DCC: variants seen among roughly 807,000 people sequenced by gnomAD.
The protein encoded by DCC is DCC netrin 1 receptor, also known as netrin receptor DCC.
DCC carries 58 observed loss-of-function variants against 172.5 expected under a neutral mutation model. The observed-to-expected ratio is 0.34, with a 90% confidence interval of 0.27 to 0.42. The LOEUF (loss-of-function observed/expected upper bound fraction) is 0.42, where lower values mean the gene tolerates loss of function less well. Ranked by LOEUF, DCC falls within the 10% of genes least tolerant of loss-of-function variation. The pLI, the probability that DCC is intolerant of heterozygous loss-of-function variation, is 1.00. For missense variants in DCC, 1,740 were observed against 1,791.0 expected (o/e 0.97, Z 0.51); for synonymous variants, 709 against 644.5 (o/e 1.10, Z -1.52).
intron 10 of DCC, among the ~76,000 whole-genome samples, chr18:53,206,116 T>C (rs961220025): frequency 3.4e-5 from 4 of 117,672 alleles, no homozygotes; most frequent in Non-Finnish European, 7.2e-5. Flanking sequence ...ATAATACATA[T>C]ATAAGCATAA....
At chr18:52,489,049 T>C (rs2030368877) in intron 1 of DCC, among the ~76,000 whole-genome samples, 2 of 152,120 alleles carry the variant, frequency 1.3e-5, no homozygotes, top group Non-Finnish European at 2.9e-5. Flanking sequence ...CACATCGATC[T>C]CCTACTCTCT....
intron 1 of DCC, among the ~76,000 whole-genome samples, chr18:52,615,605 C>T (rs972335294): frequency 1.3e-5 from 2 of 152,166 alleles, no homozygotes; most frequent in Admixed American, 1.3e-4. Context: ...CAGAGAGTTT[C>T]TCTTCACTGC....
intron 3 of DCC, among the ~76,000 whole-genome samples, chr18:52,920,525 CA>C (rs202127596): frequency 6.7e-6 from 1 of 149,636 alleles, no homozygotes; most frequent in African/African-American, 2.5e-5. Flanking sequence ...GGCTAAAATA[CA>C]AAAAAAATAA....
At chr18:52,392,101 T>C (rs1473755623) in intron 1 of DCC, among the ~76,000 whole-genome samples, 1 of 152,176 alleles carries the variant, frequency 6.6e-6, no homozygotes, top group Non-Finnish European at 1.5e-5. Context: ...CATTCAGTTA[T>C]GTGTGAATAA....
At chr18:52,779,553 T>C (rs1386163280) in intron 2 of DCC, among the ~76,000 whole-genome samples, 2 of 152,236 alleles carry the variant, frequency 1.3e-5, no homozygotes, top group African/African-American at 4.8e-5. Context: ...CAGCTTATCA[T>C]TGATTAACAT....
At chr18:53,205,957 A>C (rs912441219) in intron 10 of DCC, among the ~76,000 whole-genome samples, 3 of 151,696 alleles carry the variant, frequency 2.0e-5, no homozygotes, top group Non-Finnish European at 4.4e-5. Context: ...CTTTAGGGAG[A>C]CACATGAAAC....
At chr18:52,955,938 C>T (rs1045361000) in intron 5 of DCC, among the ~76,000 whole-genome samples, 5 of 151,416 alleles carry the variant, frequency 3.3e-5, no homozygotes, top group Admixed American at 1.3e-4. Flanking sequence ...TTTTTAAAAG[C>T]TTTTTGCATA....
intron 21 of DCC, among the ~76,000 whole-genome samples, chr18:53,422,589 G>A (rs1568121236): frequency 6.6e-6 from 1 of 152,116 alleles, no homozygotes; most frequent in Non-Finnish European, 1.5e-5. Context: ...AGGGTATTCA[G>A]GCAAAGTACT....
At chr18:52,949,715 G>T (rs537430708) in intron 5 of DCC, among the ~76,000 whole-genome samples, 1 of 152,312 alleles carries the variant, frequency 6.6e-6, no homozygotes, top group South Asian at 2.1e-4. Flanking sequence ...GAACCTGCAG[G>T]ACAGACAGTG....
At chr18:53,023,608 C>T (rs1217521612) in intron 5 of DCC, among the ~76,000 whole-genome samples, 1 of 151,976 alleles carries the variant, frequency 6.6e-6, no homozygotes, top group Non-Finnish European at 1.5e-5. Flanking sequence ...AATCTGGACC[C>T]TGTCGCCAGG....
intron 20 of DCC, among the ~76,000 whole-genome samples, chr18:53,411,577 A>G (rs767239700): frequency 2.0e-5 from 3 of 152,120 alleles, no homozygotes; most frequent in Non-Finnish European, 4.4e-5. Flanking sequence ...GAGTCTTAGT[A>G]TAACTGTATA....
At chr18:52,879,887 T>C (rs7229998) in intron 2 of DCC, among the ~76,000 whole-genome samples, 1,685 of 152,258 alleles carry the variant, frequency 0.011, 23 homozygotes, top group African/African-American at 0.036. Context: ...TATTTTTCAT[T>C]TTAAATTTTT....
chr18:53,357,229 C>A (rs1444942542), intron 15 of DCC, among the ~76,000 whole-genome samples: 1 of 152,074 alleles, frequency 6.6e-6, no homozygotes, highest in African/African-American at 2.4e-5. Flanking sequence ...CAAATCTCAT[C>A]AAGAATGAAT....
At chr18:52,442,191 A>G (rs1165778886) in intron 1 of DCC, among the ~76,000 whole-genome samples, 1 of 152,190 alleles carries the variant, frequency 6.6e-6, no homozygotes, top group Non-Finnish European at 1.5e-5. Context: ...TTCATAATCT[A>G]TGTTATAAAA....
At chr18:52,944,713 A>G (rs1419267132) in intron 5 of DCC, among the ~76,000 whole-genome samples, 2 of 152,186 alleles carry the variant, frequency 1.3e-5, no homozygotes, top group African/African-American at 2.4e-5. Flanking sequence ...AAAATAAACT[A>G]TACAGGAAGA....
chr18:53,112,817 G>C (rs894749418), intron 7 of DCC, among the ~76,000 whole-genome samples: 1 of 151,470 alleles, frequency 6.6e-6, no homozygotes, highest in African/African-American at 2.4e-5. Flanking sequence ...ATATGGTGAA[G>C]TACTCTGTAC....
chr18:52,584,210 A>G (rs1326638837), intron 1 of DCC, among the ~76,000 whole-genome samples: 1 of 152,230 alleles, frequency 6.6e-6, no homozygotes, highest in East Asian at 1.9e-4. Flanking sequence ...GTGGGATACC[A>G]GGAAAGGACA....
intron 5 of DCC, among the ~76,000 whole-genome samples, chr18:52,999,135 C>A (rs1185817836): frequency 1.3e-5 from 2 of 151,992 alleles, no homozygotes; most frequent in African/African-American, 4.8e-5. Flanking sequence ...CTGCTTTGTG[C>A]AGTGAAAGCC....
At chr18:53,428,332 A>ATTATAATC (rs1911211041) in intron 21 of DCC, among the ~76,000 whole-genome samples, 2 of 67,072 alleles carry the variant, frequency 3.0e-5, no homozygotes, top group Non-Finnish European at 5.8e-5. Flanking sequence ...ATAATATAAT[A>ATTATAATC]TATTGTATAT....
Sources: gnomAD v4.1 joint callset for allele counts (sites outside exome capture counted in the v4.1 genomes callset) on GRCh38, gnomAD v4.1.1 for gene constraint, MANE v1.5 for transcripts, NCBI Gene and HGNC (gene_info 2026-07-23, HGNC 2026-07-21) for gene names.